Variants in COA1 observed in about 807,000 individuals in gnomAD.
COA1 encodes cytochrome c oxidase assembly factor 1.
Under a neutral mutation model 16.0 loss-of-function variants are expected in COA1, and 13 were observed. That is an observed-to-expected ratio of 0.81 (90% CI 0.53 to 1.29). The LOEUF (loss-of-function observed/expected upper bound fraction) is 1.29, where lower values mean the gene tolerates loss of function less well. Among genes scored for constraint, COA1 ranks in the 50% most tolerant of loss-of-function variants. The pLI is 0.00. For missense variants in COA1, 179 were observed against 177.0 expected, an observed-to-expected ratio of 1.01 and a Z score of -0.06; for synonymous variants, 65 against 65.7, an observed-to-expected ratio of 0.99 and a Z score of 0.05.
chr7:43,695,034 A>G (rs1172208897), intron 1 of COA1, among the ~76,000 whole-genome samples: 2 of 152,216 alleles, frequency 1.3e-5, no homozygotes, highest in Non-Finnish European at 2.9e-5. Flanking sequence ...CTTTCAAAAT[A>G]TATCTAGATC....
At chr7:43,683,744 T>C (rs925896715) in intron 1 of COA1, among the ~76,000 whole-genome samples, 3 of 152,112 alleles carry the variant, frequency 2.0e-5, no homozygotes, top group Non-Finnish European at 4.4e-5. Context: ...TACTAACTCA[T>C]TTCTCTGAAG....
intron 1 of COA1, among the ~76,000 whole-genome samples, chr7:43,663,207 T>G (rs1189814963): frequency 2.0e-5 from 3 of 152,202 alleles, no homozygotes; most frequent in South Asian, 4.1e-4. Context: ...CTGGTCCCAC[T>G]TCACCTTCTG....
intron 1 of COA1, among the ~76,000 whole-genome samples, chr7:43,673,914 G>A (rs1201262467): frequency 6.6e-6 from 1 of 152,134 alleles, no homozygotes; most frequent in African/African-American, 2.4e-5. Context: ...AATACCACAG[G>A]TTCTCTCTTC....
At chr7:43,676,425 A>G (rs1490809645) in intron 1 of COA1, among the ~76,000 whole-genome samples, 1 of 152,246 alleles carries the variant, frequency 6.6e-6, no homozygotes, top group African/African-American at 2.4e-5. Context: ...CCACAAAAAA[A>G]GAATGAAATC....
chr7:43,612,693 G>A (rs931472457), intron 6 of COA1, among the ~76,000 whole-genome samples: 4 of 152,102 alleles, frequency 2.6e-5, no homozygotes, highest in Non-Finnish European at 5.9e-5. Context: ...TATAATTGAC[G>A]CTATGGGAAA....
At chr7:43,633,656 CAA>C (rs1311724563) in intron 6 of COA1, among the ~76,000 whole-genome samples, 1 of 152,052 alleles carries the variant, frequency 6.6e-6, no homozygotes, top group Non-Finnish European at 1.5e-5. Context: ...AAAGTGGCAC[CAA>C]AAGACTTGCT....
intron 1 of COA1, among the ~76,000 whole-genome samples, chr7:43,691,264 G>GA (rs1237936141): frequency 3.3e-5 from 1 of 30,552 alleles, no homozygotes; most frequent in Non-Finnish European, 5.3e-5. Flanking sequence ...AAGAAAGAAA[G>GA]AAAAGAAAGA....
In COA1 at chr7:43,663,124, G is replaced by A. The variant is rs575616315; in HGVS notation, c.-38-14472C>T. Among the ~76,000 whole-genome samples, 10 of 152,268 alleles carry A rather than the reference G, an allele frequency of 6.6e-5. No homozygotes were observed. In the East Asian group the frequency reaches 1.7e-3, roughly 26 times the overall value. ...TATCTTCACAATAGTGAGTTCTTGC[G>A]AGATCTGGTTGTTTCAAGTATGTGG... On this transcript the variant is annotated intron_variant, in intron 1 of 5. Coordinates refer to ENST00000223336, the MANE Select transcript of COA1 (RefSeq NM_018224.4).
chr7:43,664,657 G>A (rs1294174393), intron 1 of COA1, among the ~76,000 whole-genome samples: 3 of 152,124 alleles, frequency 2.0e-5, no homozygotes, highest in Admixed American at 6.5e-5. Context: ...TAAAGTAGGA[G>A]GGTCACTTGA....
chr7:43,636,550 G>A (rs543913803), downstream of COA1, among the ~76,000 whole-genome samples: 15 of 152,302 alleles, frequency 9.8e-5, no homozygotes, highest in African/African-American at 3.4e-4. Flanking sequence ...CAGAACTGCC[G>A]CTTCTTGAGC....
chr7:43,691,874 G>A (rs554882605), intron 1 of COA1, among the ~76,000 whole-genome samples: 1 of 152,296 alleles, frequency 6.6e-6, no homozygotes, highest in East Asian at 1.9e-4. Flanking sequence ...CATTCCCAAA[G>A]GGTTTGGCTA....
At chr7:43,636,304 G>GT (rs1489928665), downstream of COA1, among the ~76,000 whole-genome samples, 7 of 152,142 alleles carry the variant, frequency 4.6e-5, no homozygotes, top group African/African-American at 1.7e-4. Context: ...GAGACTGGAG[G>GT]TTTTCCTATC....
chr7:43,722,514 C>T (rs182317423), intron 1 of COA1, among the ~76,000 whole-genome samples: 52 of 152,286 alleles, frequency 3.4e-4, no homozygotes, highest in Admixed American at 9.8e-4. Context: ...ATTCTTGTGC[C>T]TCGTACCAGC....
At chr7:43,683,010 G>A (rs2093840680) in intron 1 of COA1, among the ~76,000 whole-genome samples, 1 of 152,014 alleles carries the variant, frequency 6.6e-6, no homozygotes, top group South Asian at 2.1e-4. Context: ...CGCCACGCCT[G>A]GCTAATTTTT....
intron 6 of COA1, chr7:43,623,996 C>T: frequency 6.6e-6 from 5 of 762,258 alleles, no homozygotes; most frequent in Non-Finnish European, 9.3e-6. Flanking sequence ...AAAAATAGTT[C>T]AACTTCTAAA....
intron 1 of COA1, among the ~76,000 whole-genome samples, chr7:43,662,958 T>C (rs2092584985): frequency 6.6e-6 from 1 of 152,228 alleles, no homozygotes; most frequent in South Asian, 2.1e-4. Context: ...GTTTCTAAAG[T>C]CTTGATATAG....
chr7:43,709,433 A>G, intron 1 of COA1, among the ~76,000 whole-genome samples: 1 of 85,342 alleles, frequency 1.2e-5, no homozygotes, highest in African/African-American at 4.3e-5. Flanking sequence ...ACTTTGTTTT[A>G]TTGTGTGTGT....
intron 1 of COA1, among the ~76,000 whole-genome samples, chr7:43,660,409 T>C (rs2092304922): frequency 2.0e-5 from 3 of 152,168 alleles, no homozygotes; most frequent in African/African-American, 7.2e-5. Flanking sequence ...CTAAATCAGA[T>C]ACCTGGGAGT....
downstream of COA1, among the ~76,000 whole-genome samples, chr7:43,634,918 G>A (rs1563196879): frequency 6.6e-6 from 1 of 152,130 alleles, no homozygotes; most frequent in Non-Finnish European, 1.5e-5. Flanking sequence ...AATCGATGCT[G>A]TGTTATTCCT....
Sources: allele counts gnomAD v4.1 joint callset (sites outside exome capture counted in the v4.1 genomes callset), GRCh38; gene constraint gnomAD v4.1.1; transcripts MANE v1.5; gene names NCBI Gene and HGNC (gene_info 2026-07-23, HGNC 2026-07-21).